The following TRPM3 variants were observed in gnomAD, a reference collection of about 807,000 sequenced individuals.
TRPM3 encodes long transient receptor potential channel 3.
Under a neutral mutation model 181.2 loss-of-function variants are expected in TRPM3, and 77 were observed. The observed-to-expected ratio is 0.42, with a 90% CI of 0.35 to 0.51. The LOEUF (loss-of-function observed/expected upper bound fraction) is 0.51. Ranked by LOEUF, TRPM3 falls within the 20% of genes least tolerant of loss-of-function variation. The pLI is 0.01. For missense variants in TRPM3, 1,759 were observed against 2,196.7 expected (o/e 0.80, Z 3.98); for synonymous variants, 745 against 796.4 (o/e 0.94, Z 1.09).
In TRPM3 at chr9:71,196,643, T is replaced by C. The variant is rs528421120; in HGVS notation, c.183+250010A>G. 4.6e-5 allele frequency among the ~76,000 whole-genome samples: 7 copies of C among 152,184 alleles called. No individual in the cohort carries two copies. The East Asian group carries it at 1.4e-3, about 29-fold the overall frequency. Reference sequence around the variant, plus strand: ...CCACTGTTTCAATTTCTTCAGTAATTGACACCTCACAGGTAAATTCCTGTT... The same window carrying C: ...CCACTGTTTCAATTTCTTCAGTAATCGACACCTCACAGGTAAATTCCTGTT... On this transcript the variant is annotated intron_variant, in intron 1 of 24. Transcript: ENST00000357533.
intron 1 of TRPM3, among the ~76,000 whole-genome samples, chr9:70,907,138 T>C (rs554468755): frequency 1.3e-5 from 2 of 152,310 alleles, no homozygotes; most frequent in Non-Finnish European, 2.9e-5. Context: ...ATTCTATATG[T>C]TTAAATATGT....
At chr9:71,303,040 T>C (rs375389388) in intron 1 of TRPM3, among the ~76,000 whole-genome samples, 2 of 152,160 alleles carry the variant, frequency 1.3e-5, no homozygotes, top group South Asian at 2.1e-4. Context: ...CGCTCACCAA[T>C]GCTCAGAGAC....
rs534007399 is a variant in TRPM3, at chr9:71,133,689, T to C, written c.184-269178A>G. ...ATTAATCCATTGTCATGTGAATTGC[T>C]AGTATTTTTGTAGTTTTCCACATAG... is the stretch of plus-strand genomic sequence containing the variant. On this transcript the variant is annotated intron_variant, in intron 1 of 24. Coordinates refer to the TRPM3 transcript ENST00000357533. Among the ~76,000 whole-genome samples, 5 of 152,332 alleles carry C rather than the reference T, an allele frequency of 3.3e-5. No individual in the cohort carries two copies. In the East Asian group the frequency reaches 9.6e-4, roughly 29 times the overall value.
chr9:71,346,907 T>C (rs2091331627), intron 1 of TRPM3, among the ~76,000 whole-genome samples: 1 of 152,098 alleles, frequency 6.6e-6, no homozygotes, highest in Non-Finnish European at 1.5e-5. Flanking sequence ...GCACGGATAG[T>C]CAGGATACAA....
intron 1 of TRPM3, among the ~76,000 whole-genome samples, chr9:71,268,979 A>C (rs935489831): frequency 2.0e-5 from 3 of 152,204 alleles, no homozygotes; most frequent in Non-Finnish European, 1.5e-5. Context: ...CCATGTATAC[A>C]AAGGAGTAAA....
rs1354175219 is a variant in TRPM3, at chr9:70,625,012, A to C, written c.1809+179T>G. ...AGACCCAAAACCTGGAAAACTGCTG[A>C]GTTTAATAATCTCAATGATAAGATT... On this transcript the variant is annotated intron_variant, in intron 14 of 25. Coordinates refer to ENST00000677713, the MANE Select transcript of TRPM3 (RefSeq NM_001366145.2). The surrounding 1 kb of genome is among the most constrained non-coding windows in gnomAD (Gnocchi z 4.8). Among the ~76,000 whole-genome samples, 1 of 152,230 alleles carries C rather than the reference A, an allele frequency of 6.6e-6. No homozygotes were observed. Among genetic ancestry groups the C allele is most frequent in the African/African-American group, 2.4e-5 (1 of 41,466 alleles).
chr9:71,232,205 C>T (rs1388686630), intron 1 of TRPM3, among the ~76,000 whole-genome samples: 1 of 152,158 alleles, frequency 6.6e-6, no homozygotes, highest in Non-Finnish European at 1.5e-5. Flanking sequence ...AGCTTCCAAT[C>T]TAGCAATGGG....
chr9:71,260,398 GTT>G (rs927542158), intron 1 of TRPM3, among the ~76,000 whole-genome samples: 23 of 152,218 alleles, frequency 1.5e-4, no homozygotes, highest in African/African-American at 5.3e-4. Flanking sequence ...ATTTAAAGTA[GTT>G]TTTTCTAATT....
In TRPM3 at chr9:70,926,443, G is replaced by C. The variant is rs185369543; in HGVS notation, c.178-61932C>G. Reference sequence around the variant, plus strand: ...TCACAAGTACATGTGATTTCATAGAGAGATGCACAAAAAAATTAAAAGTGG... The same window carrying C: ...TCACAAGTACATGTGATTTCATAGACAGATGCACAAAAAAATTAAAAGTGG... On this transcript the variant is annotated intron_variant, in intron 1 of 25. Coordinates refer to ENST00000677713, the MANE Select transcript of TRPM3 (RefSeq NM_001366145.2). 2.8e-3 allele frequency among the ~76,000 whole-genome samples: 422 copies of C among 152,190 alleles called. 2 individuals are homozygous for C. Among genetic ancestry groups the C allele is most frequent in the African/African-American group, 9.8e-3 (409 of 41,554 alleles).
intron 1 of TRPM3, among the ~76,000 whole-genome samples, chr9:71,060,077 G>A (rs1388977354): frequency 6.6e-6 from 1 of 152,074 alleles, no homozygotes; most frequent in Non-Finnish European, 1.5e-5. Context: ...GCTCTGTATT[G>A]CCCAAGAAAA....
chr9:71,014,060 G>T lies in TRPM3; in HGVS notation c.177+107118C>A, dbSNP rs115249636. On this transcript the variant is annotated intron_variant, in intron 1 of 25. Transcript: ENST00000677713. ...TTTTTTACTGGCATAAGTATTGGAGGCTCTAAACTCTTCCTTAATCACTAC... is the reference window on the plus strand; with the variant it reads ...TTTTTTACTGGCATAAGTATTGGAGTCTCTAAACTCTTCCTTAATCACTAC... Among the ~76,000 whole-genome samples, 942 of 151,868 alleles carry T rather than the reference G, an allele frequency of 6.2e-3. 9 individuals are homozygous for T. Among genetic ancestry groups the T allele is most frequent in the African/African-American group, 0.021 (872 of 41,488 alleles).
chr9:70,687,168 A>G (rs1433276883), intron 8 of TRPM3, among the ~76,000 whole-genome samples: 1 of 152,122 alleles, frequency 6.6e-6, no homozygotes, highest in South Asian at 2.1e-4. Flanking sequence ...AATGTGGTAT[A>G]CTTTTCCCTC....
chr9:71,142,163 C>T (rs2075142680), intron 1 of TRPM3, among the ~76,000 whole-genome samples: 1 of 152,136 alleles, frequency 6.6e-6, no homozygotes, highest in Non-Finnish European at 1.5e-5. Context: ...TTGTTTGTAA[C>T]ACTAGACTAA....
intron 1 of TRPM3, among the ~76,000 whole-genome samples, chr9:71,218,691 C>T (rs530864923): frequency 6.6e-6 from 1 of 152,300 alleles, no homozygotes; most frequent in Admixed American, 6.5e-5. Context: ...CACAAGTCAC[C>T]ATGCCTAAAT....
intron 1 of TRPM3, among the ~76,000 whole-genome samples, chr9:71,017,688 A>G (rs2097795447): frequency 1.3e-5 from 2 of 151,872 alleles, no homozygotes; most frequent in East Asian, 3.8e-4. Flanking sequence ...TAATCTTAAA[A>G]TTTATAAAGC....
chr9:70,767,348 C>A (rs2079343178), intron 7 of TRPM3, among the ~76,000 whole-genome samples: 1 of 152,150 alleles, frequency 6.6e-6, no homozygotes, highest in Non-Finnish European at 1.5e-5. Context: ...ATTCAACAAA[C>A]AATATTCATG....
chr9:70,587,003 T>C (rs112345955), intron 22 of TRPM3, among the ~76,000 whole-genome samples: 2 of 140,646 alleles, frequency 1.4e-5, no homozygotes, highest in African/African-American at 5.9e-5. Context: ...GAGCAAGGAT[T>C]TTTTTTTTTT....
In TRPM3 at chr9:71,071,577, C is replaced by T. The variant is rs539034163; in HGVS notation, c.177+49601G>A. 4.6e-5 allele frequency among the ~76,000 whole-genome samples: 7 copies of T among 152,306 alleles called. No homozygotes were observed. The South Asian group carries it at 1.2e-3, about 27-fold the overall frequency. On this transcript the variant is annotated intron_variant, in intron 1 of 25. Transcript: ENST00000677713. ...ATTTACAACAGGGAATTGTAATCCA[C>T]ATCCCACATCCTTTGCTAAAGATTC...
chr9:71,108,386 T>C (rs1267621013), intron 1 of TRPM3, among the ~76,000 whole-genome samples: 4 of 152,160 alleles, frequency 2.6e-5, no homozygotes, highest in African/African-American at 9.7e-5. Context: ...TGTGCCTGCA[T>C]CCTTGCTAAG....
Sources: gnomAD v4.1 joint callset for allele counts (sites outside exome capture counted in the v4.1 genomes callset) on GRCh38, gnomAD v4.1.1 for gene constraint, Gnocchi (gnomAD v3.1) non-coding constraint, MANE v1.5 for transcripts, NCBI Gene and HGNC (gene_info 2026-07-23, HGNC 2026-07-21) for gene names.